The following ZFHX3 variants were observed in gnomAD, a reference collection of about 807,000 sequenced individuals.
The protein encoded by ZFHX3 is zinc finger homeobox protein 3.
Under a neutral mutation model 279.1 loss-of-function variants are expected in ZFHX3, and 42 were observed. The ratio of observed to expected loss-of-function variants is 0.15; its 90% confidence interval spans 0.12 to 0.19. ZFHX3 has a LOEUF of 0.19. Ranked by LOEUF, ZFHX3 falls within the 10% of genes least tolerant of loss-of-function variation. The pLI, the probability that ZFHX3 is intolerant of heterozygous loss-of-function variation, is 1.00. For synonymous variants in ZFHX3, 2,293 were observed against 1,957.8 expected, an observed-to-expected ratio of 1.17 and a Z score of -4.52; for missense variants, 4,981 against 4,754.0, an observed-to-expected ratio of 1.05 and a Z score of -1.40.
At chr16:72,850,326 C>A (rs2143833684) in intron 4 of ZFHX3, among the ~76,000 whole-genome samples, 1 of 152,362 alleles carries the variant, frequency 6.6e-6, no homozygotes, top group East Asian at 1.9e-4. Context: ...CACTCCTACG[C>A]TTCAGTACGG....
At chr16:72,858,410 C>T (rs971044907) in intron 4 of ZFHX3, among the ~76,000 whole-genome samples, 5 of 151,926 alleles carry the variant, frequency 3.3e-5, no homozygotes, top group African/African-American at 1.2e-4. Flanking sequence ...TAAACATAGC[C>T]GGCAAAACAA....
At chr16:72,891,801 C>T (rs1042011261) in intron 3 of ZFHX3, among the ~76,000 whole-genome samples, 1 of 152,238 alleles carries the variant, frequency 6.6e-6, no homozygotes, top group Non-Finnish European at 1.5e-5. Flanking sequence ...ACCCCCAGCC[C>T]AGTCAGCCAA....
At chr16:72,886,286 G>C (rs1293190116) in intron 4 of ZFHX3, among the ~76,000 whole-genome samples, 1 of 151,978 alleles carries the variant, frequency 6.6e-6, no homozygotes, top group Non-Finnish European at 1.5e-5. Flanking sequence ...GGAGGGAGTA[G>C]GGGAGAGAGC....
At chr16:73,743,434 A>G (rs2053676523) in intron 1 of ZFHX3, among the ~76,000 whole-genome samples, 1 of 152,238 alleles carries the variant, frequency 6.6e-6, no homozygotes, top group South Asian at 2.1e-4. Flanking sequence ...TGTTTGGTCA[A>G]AGGATATGAG....
chr16:73,312,538 G>A (rs1412467320), intron 4 of ZFHX3, among the ~76,000 whole-genome samples: 2 of 152,166 alleles, frequency 1.3e-5, no homozygotes, highest in African/African-American at 2.4e-5. Flanking sequence ...AGAGAGCAGC[G>A]ATGCTACTCA....
At chr16:72,973,068 A>C (rs553054063) in intron 1 of ZFHX3, among the ~76,000 whole-genome samples, 30 of 152,310 alleles carry the variant, frequency 2.0e-4, no homozygotes, top group African/African-American at 7.2e-4. Context: ...CAAAGCAAAA[A>C]TGTCCATTCC....
At chr16:73,025,260 C>A (rs4499262) in intron 1 of ZFHX3, among the ~76,000 whole-genome samples, 26,186 of 152,126 alleles carry the variant, frequency 0.17, 2,425 homozygotes, top group East Asian at 0.28. Context: ...CAAGTCCTTC[C>A]CAATGCGGCG....
intron 2 of ZFHX3, among the ~76,000 whole-genome samples, chr16:73,586,532 T>A (rs781750020): frequency 6.7e-6 from 1 of 150,286 alleles, no homozygotes; most frequent in African/African-American, 2.5e-5. Context: ...TTGGATAAAA[T>A]AGACTTTAAT....
At chr16:73,649,027 A>G (rs2052646595) in intron 2 of ZFHX3, among the ~76,000 whole-genome samples, 3 of 152,220 alleles carry the variant, frequency 2.0e-5, no homozygotes, top group Admixed American at 1.3e-4. Flanking sequence ...TCAATATTAC[A>G]TGCTTTGAAA....
At chr16:73,806,606 G>GA (rs1218467893) in intron 1 of ZFHX3, among the ~76,000 whole-genome samples, 1 of 152,006 alleles carries the variant, frequency 6.6e-6, no homozygotes, top group African/African-American at 2.4e-5. Flanking sequence ...TGGTGGGGGG[G>GA]GTCAAGTAAA....
At position 73,713,362 on chromosome 16, in the gene ZFHX3, C is replaced by T. The variant is rs529302186; in HGVS notation, c.-1607-33122G>A. ...ACCAGCACAAAGTAAATAAAGCCAC[C>T]GTGGTCTTTCCCCAGCAGACACACT... On this transcript the variant is annotated intron_variant, in intron 1 of 17. Coordinates refer to the ZFHX3 transcript ENST00000641206. 1.2e-3 allele frequency among the ~76,000 whole-genome samples: 185 copies of T among 152,244 alleles called. 3 individuals carry two copies. Among genetic ancestry groups the T allele is most frequent in the South Asian group, 0.011 (54 of 4,818 alleles).
At chr16:73,146,257 G>A (rs148986466) in intron 5 of ZFHX3, among the ~76,000 whole-genome samples, 20 of 152,114 alleles carry the variant, frequency 1.3e-4, no homozygotes, top group African/African-American at 4.1e-4. Flanking sequence ...GTGAAACCCC[G>A]TCTCTACTAA....
chr16:73,834,121 G>A (rs960765186), intron 1 of ZFHX3, among the ~76,000 whole-genome samples: 2 of 152,082 alleles, frequency 1.3e-5, no homozygotes, highest in African/African-American at 4.8e-5. Context: ...GAGCCTCTAC[G>A]AGTTAAAGGA....
chr16:73,891,255 C>T (rs2030528610), intron 1 of ZFHX3, among the ~76,000 whole-genome samples: 1 of 152,102 alleles, frequency 6.6e-6, no homozygotes, highest in Non-Finnish European at 1.5e-5. Context: ...GCTCTCTTTC[C>T]AGCACGCTGT....
At chr16:73,591,929 A>G (rs1038381522) in intron 2 of ZFHX3, among the ~76,000 whole-genome samples, 2 of 151,856 alleles carry the variant, frequency 1.3e-5, no homozygotes, top group Non-Finnish European at 2.9e-5. Flanking sequence ...TGGTGTGGCT[A>G]TATTTTGTAA....
At chr16:72,826,986 G>A (rs112786988) in intron 5 of ZFHX3, among the ~76,000 whole-genome samples, 1 of 152,116 alleles carries the variant, frequency 6.6e-6, no homozygotes, top group Non-Finnish European at 1.5e-5. Flanking sequence ...CTCAACAAAG[G>A]CTGCCCTAAA....
At chr16:73,066,278 T>G (rs912416225) in intron 8 of ZFHX3, among the ~76,000 whole-genome samples, 2 of 151,748 alleles carry the variant, frequency 1.3e-5, no homozygotes, top group Admixed American at 6.6e-5. Context: ...GCGCTGGATG[T>G]TGTATAGCGC....
upstream of ZFHX3, chr16:73,061,504 G>C (rs1345014758): frequency 1.4e-5 from 2 of 147,474 alleles, no homozygotes. Context: ...TCCGGTTTCT[G>C]ATTATTATTT....
intron 3 of ZFHX3, among the ~76,000 whole-genome samples, chr16:73,375,402 G>C (rs1251950737): frequency 1.3e-5 from 2 of 152,056 alleles, no homozygotes; most frequent in Admixed American, 1.3e-4. Context: ...AAAAAGCCCT[G>C]GGTCCTTTTA....
Sources: gnomAD v4.1 joint callset for allele counts (sites outside exome capture counted in the v4.1 genomes callset) on GRCh38, gnomAD v4.1.1 for gene constraint, MANE v1.5 for transcripts, NCBI Gene and HGNC (gene_info 2026-07-23, HGNC 2026-07-21) for gene names.